The following OR2H1 variants were observed in gnomAD, a reference collection of about 807,000 sequenced individuals.
The protein encoded by OR2H1 is olfactory receptor 2H1.
For synonymous variants in OR2H1, 155 were observed against 155.2 expected (o/e 1.00, Z 0.01); for missense variants, 380 against 367.3 (o/e 1.03, Z -0.28).
chr6:29,462,848 A>T lies in OR2H1; in HGVS notation c.*128A>T, dbSNP rs1281596692. 1.5e-6 allele frequency: 1 copy of T among 667,244 alleles called. No individual in the cohort carries two copies. Among genetic ancestry groups the T allele is most frequent in the Non-Finnish European group, 2.6e-6 (1 of 385,724 alleles). 41.3% of individuals were successfully genotyped at this position (667,244 alleles called of 1,614,324 possible). On this transcript the variant is annotated 3_prime_UTR_variant, in exon 4 of 4. Coordinates refer to ENST00000377133, the MANE Select transcript of OR2H1 (RefSeq NM_030883.5). ...ACAGTGTGGCTATGTTATCTATGAGAGGGAGAATGAGAAAGAGAGGGACAG... is the reference window on the plus strand; with the variant it reads ...ACAGTGTGGCTATGTTATCTATGAGTGGGAGAATGAGAAAGAGAGGGACAG...
Position 29,462,337 on chromosome 6 carries a change from A to G in OR2H1, c.568A>G (p.Thr190Ala). 6.2e-7 allele frequency: 1 copy of G among 1,613,004 alleles called. No individual in the cohort carries two copies. Residue 190 changes from threonine to alanine, a missense_variant, in exon 4 of 4, where the codon ACC (threonine) becomes GCC (alanine). Physicochemically the swap from Thr to Ala is moderately conservative, Grantham distance 58. Transcript: ENST00000377133. ...TCTGATTCGACTCTCCTGTGGAGAT[A>G]CCTCCTACAATGAAATCCAGTTGGC... ...PSLIRLSCGD[T>A]SYNEIQLAVS...
Position 29,461,595 on chromosome 6 carries a change from A to G in OR2H1, c.-175A>G, listed in dbSNP as rs1787253096. The G allele has an allele frequency of 1.7e-6, 1 of 595,102 alleles. No homozygotes were observed. The highest frequency in any genetic ancestry group is 3.0e-6 in the Non-Finnish European group (1 of 332,110). 36.9% of individuals were successfully genotyped at this position (595,102 alleles called of 1,614,324 possible). On this transcript the variant is annotated 5_prime_UTR_variant, in exon 4 of 4. Coordinates refer to ENST00000377133, the MANE Select transcript of OR2H1 (RefSeq NM_030883.5). ...GTTTGATCAGAAGGAACAGGGAACGAGAAGGAGCTGCTGGATGACGATAAG... is the reference window on the plus strand; with the variant it reads ...GTTTGATCAGAAGGAACAGGGAACGGGAAGGAGCTGCTGGATGACGATAAG...
In OR2H1 at chr6:29,463,287, T is replaced by A; in HGVS notation, c.*567T>A. On this transcript the variant is annotated 3_prime_UTR_variant, in exon 4 of 4. Coordinates refer to ENST00000377133, the MANE Select transcript of OR2H1 (RefSeq NM_030883.5). ...CCCTGGGAGTATGTCATGTGACAAG[T>A]CTTTACTGTCTCCCAGGTTTTGGAT... 5.8e-6 allele frequency: 1 copy of A among 171,660 alleles called. No homozygotes were observed. 10.6% of individuals were successfully genotyped at this position (171,660 alleles called of 1,614,324 possible).
chr6:29,463,526 T>C lies in OR2H1; in HGVS notation c.*806T>C, dbSNP rs1787579775. 1 of 167,080 alleles carries C rather than the reference T, an allele frequency of 6.0e-6. No homozygotes were observed. The highest frequency in any genetic ancestry group is 1.5e-5 in the Non-Finnish European group (1 of 68,128). The allele number at this position is 167,080 out of a possible 1,614,324, so 10.3% of individuals were successfully genotyped here. A position where few individuals can be genotyped will look rare whatever the true frequency, so the allele number is the denominator to read the frequency against. On this transcript the variant is annotated 3_prime_UTR_variant, in exon 4 of 4. Transcript: ENST00000377133. The stretch of plus-strand genomic sequence containing the variant: ...TTGGCTTTTACTTCTTTTTTATATG[T>C]AAATAATAAGCCATCTAAGTGTAAA...
chr6:29,461,880 G>A lies in OR2H1; in HGVS notation c.111G>A (p.Leu37=), dbSNP rs1787307697. The A allele has an allele frequency of 1.2e-6, 2 of 1,613,004 alleles. No homozygotes were observed. Among genetic ancestry groups the A allele is most frequent in the Non-Finnish European group, 1.7e-6 (2 of 1,180,010 alleles). The change falls in exon 4 of 4, where the codon CTG becomes CTA. Residue 37 remains leucine, a synonymous_variant. Transcript: ENST00000377133. ...TCTTCACTTCCTACCTCTTGACCCT[G>A]GTGGGCAACACACTCATCATCCTGC... ...VVVFTSYLLT[L]VGNTLIILLS... is the part of the protein sequence containing the mutation.
rs1295052105 is a variant in OR2H1, at chr6:29,464,089, C to A, written c.*1369C>A. Reference sequence around the variant, plus strand: ...TCCAGTTGCTCCTTCTTCTATTGACCCTTTTTTGCCTTCTCTTTCTCCTTC... The same window carrying A: ...TCCAGTTGCTCCTTCTTCTATTGACACTTTTTTGCCTTCTCTTTCTCCTTC... On this transcript the variant is annotated 3_prime_UTR_variant, in exon 4 of 4. Coordinates refer to ENST00000377133, the MANE Select transcript of OR2H1 (RefSeq NM_030883.5). 1 of 167,056 alleles carries A rather than the reference C, an allele frequency of 6.0e-6. No individual in the cohort carries two copies. The highest frequency in any genetic ancestry group is 1.9e-4 in the East Asian group (1 of 5,200). The allele number at this position is 167,056 out of a possible 1,614,324, so 10.3% of individuals were successfully genotyped here.
chr6:29,463,124 G>C lies in OR2H1; in HGVS notation c.*404G>C, dbSNP rs139938966. On this transcript the variant is annotated 3_prime_UTR_variant, in exon 4 of 4. Transcript: ENST00000377133. ...TTCTGGACACCTTGCATGTATCTAC[G>C]TAGGTCATGTAAGCAAAGGCTTGAA... The C allele has an allele frequency of 7.7e-5, 16 of 206,842 alleles. No individual in the cohort carries two copies. The highest frequency in any genetic ancestry group is 1.6e-4 in the Admixed American group (3 of 18,998). The allele number at this position is 206,842 out of a possible 1,614,324, so 12.8% of individuals were successfully genotyped here.
In OR2H1 at chr6:29,462,592, T is replaced by C. The variant is rs746111262; in HGVS notation, c.823T>C (p.Phe275Leu). ...AGGGAGGGGCAAGTTCTTTGGTCTC[T>C]TCTATGCAGTGGGCACTCCTTCACT... ...AQGRGKFFGL[F>L]YAVGTPSLNP... The change falls in exon 4 of 4, where the codon TTC becomes CTC. Residue 275 changes from phenylalanine (F) to leucine (L), a missense_variant. Coordinates refer to ENST00000377133, the MANE Select transcript of OR2H1 (RefSeq NM_030883.5). The C allele has an allele frequency of 1.1e-5, 17 of 1,612,940 alleles. No homozygotes were observed. Among genetic ancestry groups the C allele is most frequent in the Non-Finnish European group, 1.2e-5 (14 of 1,180,040 alleles).
rs1184241903 is a variant in OR2H1 at position 29,461,489 on chromosome 6, A to G, written c.-275-6A>G. The G allele has an allele frequency of 2.3e-6, 1 of 441,398 alleles. No homozygotes were observed. Among genetic ancestry groups the G allele is most frequent in the African/African-American group, 2.0e-5 (1 of 50,694 alleles). The allele number at this position is 441,398 out of a possible 1,614,324, so 27.3% of individuals were successfully genotyped here. A position where few individuals can be genotyped will look rare whatever the true frequency, so the allele number is the denominator to read the frequency against. ...TTTTACATCAGCTTTCTTTGCCCTC[A>G]ACCAGGAAGTCAGAGGCACCAATGT... On this transcript the variant is annotated splice_region_variant and splice_polypyrimidine_tract_variant and intron_variant, in intron 3 of 3. Coordinates refer to ENST00000377133, the MANE Select transcript of OR2H1 (RefSeq NM_030883.5).
rs193012486 is a variant in OR2H1 at position 29,462,425 on chromosome 6, C to T, written c.656C>T (p.Thr219Ile). 1,731 of 1,613,176 alleles carry T rather than the reference C, an allele frequency of 1.1e-3. 35 individuals are homozygous for T. The South Asian group carries it at 0.012, about 11-fold the overall frequency. The change falls in exon 4 of 4, where the codon ACT becomes ATT. Residue 219 changes from threonine to isoleucine, a missense_variant. Transcript: ENST00000377133. ...CTCATCCTTGCCTCTTATGGAGCCA[C>T]TGCCCAGGCAGTGCTGAGGATTAAC... is the stretch of plus-strand genomic sequence containing the variant. Reference protein sequence around the residue: ...LSLILASYGATAQAVLRINSA... With the variant: ...LSLILASYGAIAQAVLRINSA...
At chr6:29,460,906 A>T (rs188468138) in intron 3 of OR2H1, 2 of 152,290 alleles carry the variant, frequency 1.3e-5, no homozygotes, top group East Asian at 3.9e-4. Context: ...AAACGTCCCA[A>T]TATCAACTCT....
Position 29,461,785 on chromosome 6 carries a change from T to TC in OR2H1, c.21dup (p.Met8HisfsTer10). ...AGAACAGGCCATGGTTAACCAAAGC[T>TC]CCCCCATGGGCTTCCTCCTTCTGGG... On this transcript the variant is annotated frameshift_variant, in exon 4 of 4. Coordinates refer to ENST00000377133, the MANE Select transcript of OR2H1 (RefSeq NM_030883.5). LOFTEE classifies it low-confidence loss of function (END_TRUNC). 1.2e-6 allele frequency: 2 copies of TC among 1,612,396 alleles called. No individual in the cohort carries two copies. The highest frequency in any genetic ancestry group is 2.2e-5 in the South Asian group (2 of 91,014).
chr6:29,457,450 T>C (rs1786524422), intron 1 of OR2H1, among the ~76,000 whole-genome samples: 1 of 152,200 alleles, frequency 6.6e-6, no homozygotes, highest in South Asian at 2.1e-4. Context: ...ACAAAGAGTA[T>C]GTGCTGAATG....
intron 3 of OR2H1, 48 bp from the exon 4 acceptor site, chr6:29,461,447 C>T (rs943442443): frequency 1.1e-5 from 4 of 360,942 alleles, no homozygotes; most frequent in African/African-American, 4.1e-5. Context: ...TAATGAAGAT[C>T]GGTTAATTAA....
At position 29,462,383 on chromosome 6, in the gene OR2H1, T is replaced by C; in HGVS notation, c.614T>C (p.Val205Ala). Residue 205 changes from valine to alanine, a missense_variant, in exon 4 of 4, where the codon GTG (valine) becomes GCG (alanine). Physicochemically the swap from Val to Ala is moderately conservative, Grantham distance 64. Coordinates refer to ENST00000377133, the MANE Select transcript of OR2H1 (RefSeq NM_030883.5). ...TTGGCTGTGTCCAGTGTCATCTTCG[T>C]GGTTGTGCCTCTCAGCCTCATCCTT... is the stretch of plus-strand genomic sequence containing the variant. ...IQLAVSSVIF[V>A]VVPLSLILAS... 6.2e-7 allele frequency: 1 copy of C among 1,613,120 alleles called. No individual in the cohort carries two copies. The highest frequency in any genetic ancestry group is 8.5e-7 in the Non-Finnish European group (1 of 1,180,038).
In OR2H1 at chr6:29,462,035, C is replaced by T. The variant is rs771446350; in HGVS notation, c.266C>T (p.Thr89Ile). 6.2e-6 allele frequency: 10 copies of T among 1,613,324 alleles called. No homozygotes were observed. In the African/African-American group the frequency reaches 8.0e-5, roughly 13 times the overall value. The part of the protein sequence containing the change: ...MLVNLWGPKK[T>I]ISFLGCSVQL... ...GTCAACCTCTGGGGCCCAAAGAAGA[C>T]CATCAGCTTCCTGGGATGCTCTGTC... The change falls in exon 4 of 4, where the codon ACC becomes ATC. Residue 89 changes from threonine to isoleucine, a missense_variant. By Grantham distance (89) the Thr-to-Ile change is moderately conservative (BLOSUM62 -1). Transcript: ENST00000377133.
At position 29,461,790 on chromosome 6, in the gene OR2H1, CA is replaced by C. The variant is rs1561859536; in HGVS notation, c.22del (p.Met8TrpfsTer28). 6.2e-7 allele frequency: 1 copy of C among 1,612,794 alleles called. No individual in the cohort carries two copies. Among genetic ancestry groups the C allele is most frequent in the Non-Finnish European group, 8.5e-7 (1 of 1,179,878 alleles). ...AGGCCATGGTTAACCAAAGCTCCCC[CA>C]TGGGCTTCCTCCTTCTGGGCTTCTC... The part of the protein sequence containing the change: MVNQSSP[M>X]GFLLLGFSEH... On this transcript the variant is annotated frameshift_variant, in exon 4 of 4. Coordinates refer to ENST00000377133, the MANE Select transcript of OR2H1 (RefSeq NM_030883.5). LOFTEE classifies it low-confidence loss of function (END_TRUNC).
rs180803811 is a variant in OR2H1, at chr6:29,461,188, G to T, written c.-275-307G>T. On this transcript the variant is annotated intron_variant, in intron 3 of 3. Coordinates refer to ENST00000377133, the MANE Select transcript of OR2H1 (RefSeq NM_030883.5). ...GAGTGGAGTTAATACACACAGCGGA[G>T]AAATCTCTTTGTTAATTCTACACTC... 6 of 152,438 alleles carry T rather than the reference G, an allele frequency of 3.9e-5. 1 individual carries two copies. The East Asian group carries it at 1.2e-3, about 29-fold the overall frequency. The allele number at this position is 152,438 out of a possible 1,614,324, so 9.4% of individuals were successfully genotyped here.
In OR2H1 at chr6:29,460,415, C is replaced by T. The variant is rs1787112184; in HGVS notation, c.-315C>T. The T allele has an allele frequency of 9.4e-6, 1 of 106,086 alleles. No individual in the cohort carries two copies. The highest frequency in any genetic ancestry group is 1.8e-5 in the Non-Finnish European group (1 of 57,032). The allele number at this position is 106,086 out of a possible 1,614,324, so 6.6% of individuals were successfully genotyped here. A position where few individuals can be genotyped will look rare whatever the true frequency, so the allele number is the denominator to read the frequency against. On this transcript the variant is annotated 5_prime_UTR_variant, in exon 3 of 4. Transcript: ENST00000377133. ...TTTTTTTTTTGTAGAGACGAGGTTTCACCATGTTGACCAGGCTGATCTCAA... is the reference window on the plus strand; with the variant it reads ...TTTTTTTTTTGTAGAGACGAGGTTTTACCATGTTGACCAGGCTGATCTCAA...
Sources: gnomAD v4.1 joint callset for allele counts (sites outside exome capture counted in the v4.1 genomes callset) on GRCh38, gnomAD v4.1.1 for gene constraint, MANE v1.5 for transcripts, NCBI Gene and HGNC (gene_info 2026-07-23, HGNC 2026-07-21) for gene names.